Variants in MAP3K20 observed in about 807,000 individuals in gnomAD.
The protein encoded by MAP3K20 is mitogen-activated protein kinase kinase kinase 20, also known as HCCS-4.
Under a neutral mutation model 85.7 loss-of-function variants are expected in MAP3K20, and 40 were observed. That is an observed-to-expected ratio of 0.47 (90% CI 0.36 to 0.61). The LOEUF is 0.61. Ranked by LOEUF, MAP3K20 falls within the 20% of genes least tolerant of loss-of-function variation. The pLI, the probability that MAP3K20 is intolerant of heterozygous loss-of-function variation, is 0.00. For missense variants in MAP3K20, 817 were observed against 961.7 expected (o/e 0.85, Z 1.99); for synonymous variants, 325 against 327.7 (o/e 0.99, Z 0.09).
rs115729993 is a variant in MAP3K20 at position 173,180,204 on chromosome 2, T to C, written c.248-2650T>C. 2.7e-3 allele frequency among the ~76,000 whole-genome samples: 410 copies of C among 152,286 alleles called. 1 individual carries two copies. The highest frequency in any genetic ancestry group is 4.9e-3 in the Non-Finnish European group (330 of 68,020). On this transcript the variant is annotated intron_variant, in intron 3 of 19. Transcript: ENST00000375213. Reference sequence around the variant, plus strand: ...AACTTTGAGGACTTAGACTGCCTCATTTCAAAACTTATAAATCTGTAGTAA... The same window carrying C: ...AACTTTGAGGACTTAGACTGCCTCACTTCAAAACTTATAAATCTGTAGTAA...
intron 19 of MAP3K20, among the ~76,000 whole-genome samples, chr2:173,264,762 T>C (rs1685373951): frequency 6.6e-6 from 1 of 152,116 alleles, no homozygotes; most frequent in Admixed American, 6.6e-5. Flanking sequence ...TGATTCTGTA[T>C]GCTACTGCTC....
At position 173,079,727 on chromosome 2, in the gene MAP3K20, A is replaced by G. The variant is rs185503321; in HGVS notation, c.-35+3725A>G. On this transcript the variant is annotated intron_variant, in intron 1 of 19. Transcript: ENST00000375213. ...AACACACACATCAGCCTAGCCCCAC[A>G]TGGGGTTAGGATCGTCAATATCACT... is the stretch of plus-strand genomic sequence containing the variant. Among the ~76,000 whole-genome samples the G allele has an allele frequency of 2.0e-5, 3 of 152,182 alleles. No individual in the cohort carries two copies. The East Asian group carries it at 5.8e-4, about 29-fold the overall frequency.
In MAP3K20 at chr2:173,108,258, G is replaced by A. The variant is rs191693664; in HGVS notation, c.159+17068G>A. ...AGCGATTCTCCTGCCTCAGCCTCCG[G>A]AGCAGCCGGGATTACAGGCATGTGT... On this transcript the variant is annotated intron_variant, in intron 2 of 19. Transcript: ENST00000375213. Among the ~76,000 whole-genome samples the A allele has an allele frequency of 7.9e-5, 12 of 152,040 alleles. No individual in the cohort carries two copies. In the Middle Eastern group the frequency reaches 0.01, roughly 129 times the overall value.
chr2:173,117,485 G>A (rs1688158107), intron 2 of MAP3K20, among the ~76,000 whole-genome samples: 1 of 151,954 alleles, frequency 6.6e-6, no homozygotes, highest in African/African-American at 2.4e-5. Context: ...TCCTTATGTT[G>A]CCCAGGCTGG....
chr2:173,221,150 C>T, intron 11 of MAP3K20: 3 of 1,490,592 alleles, frequency 2.0e-6, no homozygotes, highest in Admixed American at 2.1e-5. Flanking sequence ...CTTTTGATAG[C>T]TTCTCTTGCC....
At chr2:173,159,480 C>T (rs1689584287) in intron 2 of MAP3K20, among the ~76,000 whole-genome samples, 1 of 150,498 alleles carries the variant, frequency 6.6e-6, no homozygotes, top group Non-Finnish European at 1.5e-5. Context: ...GCCTGGACCT[C>T]CTAGGTGCAA....
chr2:173,127,676 A>G (rs1427379050), intron 2 of MAP3K20, among the ~76,000 whole-genome samples: 1 of 152,188 alleles, frequency 6.6e-6, no homozygotes, highest in African/African-American at 2.4e-5. Context: ...ATAAGGTACT[A>G]ACTCCAAAAA....
chr2:173,194,073 C>G (rs1690746111), intron 7 of MAP3K20, among the ~76,000 whole-genome samples: 1 of 152,192 alleles, frequency 6.6e-6, no homozygotes, highest in Non-Finnish European at 1.5e-5. Context: ...CTGGTGGAAA[C>G]AGAAATGCCA....
Position 173,092,907 on chromosome 2 carries a change from G to A in MAP3K20, c.159+1717G>A, listed in dbSNP as rs3769200. On this transcript the variant is annotated intron_variant, in intron 2 of 19. Coordinates refer to ENST00000375213, the MANE Select transcript of MAP3K20 (RefSeq NM_016653.3). The stretch of plus-strand genomic sequence containing the variant: ...TTGGAAACTGCCAAATCCTGCTTTC[G>A]TGCAGGTATTTAACATGAATGTAGG... Among the ~76,000 whole-genome samples, 964 of 152,198 alleles carry A rather than the reference G, an allele frequency of 6.3e-3. 27 individuals are homozygous for A. Among genetic ancestry groups the A allele is most frequent in the Admixed American group, 0.045 (692 of 15,298 alleles).
At chr2:173,140,423 A>G (rs1229868514) in intron 2 of MAP3K20, among the ~76,000 whole-genome samples, 2 of 151,866 alleles carry the variant, frequency 1.3e-5, no homozygotes, top group Non-Finnish European at 2.9e-5. Flanking sequence ...ATCTCAGCTC[A>G]CCGCAACCTC....
chr2:173,188,183 T>C (rs1690546508), intron 5 of MAP3K20, among the ~76,000 whole-genome samples: 1 of 152,228 alleles, frequency 6.6e-6, no homozygotes, highest in African/African-American at 2.4e-5. Context: ...TTCTGTACTT[T>C]CTAAAGCTTA....
intron 16 of MAP3K20, among the ~76,000 whole-genome samples, chr2:173,242,746 G>A (rs1189850031): frequency 2.6e-5 from 3 of 115,734 alleles, no homozygotes; most frequent in East Asian, 5.9e-4. Flanking sequence ...TCCTTCTGTT[G>A]CCCAGGCTGG....
chr2:173,222,572 G>A (rs1684281391), intron 11 of MAP3K20: 8 of 985,582 alleles, frequency 8.1e-6, no homozygotes, highest in Non-Finnish European at 9.6e-6. Flanking sequence ...TTTCCAGCAA[G>A]TGGGGTATGT....
chr2:173,215,062 G>C (rs544965761), intron 10 of MAP3K20, among the ~76,000 whole-genome samples: 29 of 152,312 alleles, frequency 1.9e-4, no homozygotes, highest in African/African-American at 6.7e-4. Flanking sequence ...CTGTTTTCTG[G>C]AAGTGCTCAA....
At chr2:173,209,278 G>C (rs115255636) in intron 9 of MAP3K20, among the ~76,000 whole-genome samples, 4 of 151,978 alleles carry the variant, frequency 2.6e-5, no homozygotes, top group Non-Finnish European at 5.9e-5. Flanking sequence ...TCCCCCCAAC[G>C]CTTTATCATA....
In MAP3K20 at chr2:173,241,362, C is replaced by T. The variant is rs143438868; in HGVS notation, c.1359+1866C>T. 4.6e-5 allele frequency among the ~76,000 whole-genome samples: 7 copies of T among 152,268 alleles called. No homozygotes were observed. The East Asian group carries it at 1.4e-3, about 29-fold the overall frequency. ...GCGCAGTGAATCACACCTGTAGTCC[C>T]AGCACTTTGGGAGGCTGAGGCTGGG... On this transcript the variant is annotated intron_variant, in intron 16 of 19. Transcript: ENST00000375213.
intron 17 of MAP3K20, among the ~76,000 whole-genome samples, chr2:173,260,762 T>C (rs2106356248): frequency 6.6e-6 from 1 of 152,358 alleles, no homozygotes; most frequent in South Asian, 2.1e-4. Flanking sequence ...CTTCAAACTT[T>C]AGCAAGAATT....
intron 9 of MAP3K20, among the ~76,000 whole-genome samples, chr2:173,205,248 T>C (rs1393003265): frequency 6.6e-6 from 1 of 152,114 alleles, no homozygotes; most frequent in Non-Finnish European, 1.5e-5. Context: ...ATAGAGGTAT[T>C]AAAACTGATC....
intron 16 of MAP3K20, among the ~76,000 whole-genome samples, chr2:173,256,178 C>T (rs1000377668): frequency 6.6e-6 from 1 of 152,252 alleles, no homozygotes; most frequent in African/African-American, 2.4e-5. Context: ...TTGAAGCCGA[C>T]AGGCTTTCAA....
Sources: gnomAD v4.1 joint callset for allele counts (sites outside exome capture counted in the v4.1 genomes callset) on GRCh38, gnomAD v4.1.1 for gene constraint, MANE v1.5 for transcripts, NCBI Gene and HGNC (gene_info 2026-07-23, HGNC 2026-07-21) for gene names.